TRPM2: variants seen among roughly 807,000 people sequenced by gnomAD.
TRPM2 encodes transient receptor potential cation channel subfamily M member 2.
Under a neutral mutation model 174.0 loss-of-function variants are expected in TRPM2, and 161 were observed. That is an observed-to-expected ratio of 0.93 (90% CI 0.81 to 1.05). The LOEUF (loss-of-function observed/expected upper bound fraction) is 1.05. Among genes scored for constraint, TRPM2 ranks in the 50% least tolerant of loss-of-function variants. The pLI is 0.00. For synonymous variants in TRPM2, 954 were observed against 861.3 expected (o/e 1.11, Z -1.88); for missense variants, 2,057 against 2,038.0 (o/e 1.01, Z -0.18).
intron 20 of TRPM2, among the ~76,000 whole-genome samples, chr21:44,416,909 AGT>A (rs1338167823): frequency 7.4e-6 from 1 of 136,054 alleles, no homozygotes; most frequent in African/African-American, 2.9e-5. Context: ...GTGGCATCAC[AGT>A]GTGCACGTGG....
intron 2 of TRPM2, among the ~76,000 whole-genome samples, chr21:44,360,929 C>T (rs1311523672): frequency 3.3e-5 from 5 of 151,982 alleles, no homozygotes; most frequent in Non-Finnish European, 7.4e-5. Flanking sequence ...CAGCACTGTC[C>T]ATCTCCACCG....
intron 19 of TRPM2, among the ~76,000 whole-genome samples, chr21:44,413,662 A>C (rs1226699395): frequency 6.6e-6 from 1 of 152,148 alleles, no homozygotes; most frequent in Non-Finnish European, 1.5e-5. Flanking sequence ...GGCACGGGCC[A>C]GCCTGGGTGC....
chr21:44,359,825 G>A lies in TRPM2; in HGVS notation c.255-4289G>A, dbSNP rs149402815. On this transcript the variant is annotated intron_variant, in intron 2 of 31. Transcript: ENST00000397928. ...TGCAATGGCCTGATCTTGGCTCACTGCAACCTCCACCTCCCGGGCTCAAGC... is the reference window on the plus strand; with the variant it reads ...TGCAATGGCCTGATCTTGGCTCACTACAACCTCCACCTCCCGGGCTCAAGC... Among the ~76,000 whole-genome samples, 614 of 151,728 alleles carry A rather than the reference G, an allele frequency of 4.0e-3. 5 individuals carry two copies. The highest frequency in any genetic ancestry group is 0.014 in the African/African-American group (595 of 41,316).
At chr21:44,392,114 G>T (rs570306994) in intron 11 of TRPM2, among the ~76,000 whole-genome samples, 71 of 151,750 alleles carry the variant, frequency 4.7e-4, no homozygotes, top group African/African-American at 1.7e-3. Flanking sequence ...ACAGGTATGC[G>T]CCACCACACC....
intron 5 of TRPM2, 82 bp from the exon 6 acceptor site, chr21:44,375,751 G>C: frequency 6.8e-7 from 1 of 1,471,684 alleles, no homozygotes. Context: ...CCTGGTCTCT[G>C]TGAGGGCCGG....
intron 14 of TRPM2, 71 bp from the exon 15 acceptor site, chr21:44,400,188 C>A (rs2146276364): frequency 7.4e-7 from 1 of 1,353,472 alleles, no homozygotes; most frequent in Non-Finnish European, 1.0e-6. Flanking sequence ...GAGTCCTCAG[C>A]AGACAGCTGA....
At chr21:44,403,804 AAC>A (rs200180248) in intron 16 of TRPM2, among the ~76,000 whole-genome samples, 5,867 of 150,896 alleles carry the variant, frequency 0.039, 312 homozygotes, top group African/African-American at 0.12. Flanking sequence ...TACACAGATA[AAC>A]ACATGTATAC....
Position 44,399,580 on chromosome 21 carries a change from C to G in TRPM2, c.2208+139C>G. 1 of 1,174,658 alleles carries G rather than the reference C, an allele frequency of 8.5e-7. No homozygotes were observed. Among genetic ancestry groups the G allele is most frequent in the Non-Finnish European group, 1.1e-6 (1 of 882,994 alleles). The allele number at this position is 1,174,658 out of a possible 1,614,324, so 72.8% of individuals were successfully genotyped here. On this transcript the variant is annotated intron_variant, in intron 14 of 31. Transcript: ENST00000397928. This position sits in a 1 kb window ranked among gnomAD's most constrained non-coding sequence, Gnocchi z 4.6. ...GCAGCTCGGGGACAGCGCCTGACCCCTCGGCCACCTGCTCCAGGCTCTGGC... is the reference window on the plus strand; with the variant it reads ...GCAGCTCGGGGACAGCGCCTGACCCGTCGGCCACCTGCTCCAGGCTCTGGC...
chr21:44,387,074 T>C (rs1198915575), intron 9 of TRPM2, among the ~76,000 whole-genome samples: 1 of 152,040 alleles, frequency 6.6e-6, no homozygotes, highest in African/African-American at 2.4e-5. Context: ...TAGTCCCAGC[T>C]GTGTGGGAGG....
Position 44,432,984 on chromosome 21 carries a change from C to T in TRPM2, c.3975-2147C>T, listed in dbSNP as rs2051081711. Among the ~76,000 whole-genome samples, 1 of 152,086 alleles carries T rather than the reference C, an allele frequency of 6.6e-6. No homozygotes were observed. The highest frequency in any genetic ancestry group is 1.5e-5 in the Non-Finnish European group (1 of 68,020). ...GAGAACCATATGGACGAGATCATGA[C>T]CGGGGGATCAGAGATCAGGGCACAG... On this transcript the variant is annotated intron_variant, in intron 27 of 31. Transcript: ENST00000397928. This position sits in a 1 kb window ranked among gnomAD's most constrained non-coding sequence, Gnocchi z 4.9.
chr21:44,358,851 C>G (rs778273953), intron 2 of TRPM2, among the ~76,000 whole-genome samples: 2 of 152,126 alleles, frequency 1.3e-5, no homozygotes, highest in Non-Finnish European at 2.9e-5. Context: ...GGGACCTTCG[C>G]GGTGAGTGTC....
In TRPM2 at chr21:44,438,468, C is replaced by T. The variant is rs1420020872; in HGVS notation, c.4168-599C>T. Reference sequence around the variant, plus strand: ...GAGTGTCATGGGGCTGAGGTGGGACCGTCTTGACGTGGCCTGCAAAGTCTT... The same window carrying T: ...GAGTGTCATGGGGCTGAGGTGGGACTGTCTTGACGTGGCCTGCAAAGTCTT... On this transcript the variant is annotated intron_variant, in intron 29 of 31. Transcript: ENST00000397928. The surrounding 1 kb of genome is among the most constrained non-coding windows in gnomAD (Gnocchi z 5.9). 2.6e-5 allele frequency among the ~76,000 whole-genome samples: 4 copies of T among 152,116 alleles called. No homozygotes were observed. The highest frequency in any genetic ancestry group is 1.3e-4 in the Admixed American group (2 of 15,274).
intron 7 of TRPM2, among the ~76,000 whole-genome samples, chr21:44,378,095 G>A (rs1240029213): frequency 1.2e-4 from 18 of 152,180 alleles, no homozygotes; most frequent in Admixed American, 1.2e-3. Context: ...GGAGGCTGGG[G>A]GGTTTCTACA....
At chr21:44,390,227 C>CT (rs1480982560) in intron 9 of TRPM2, among the ~76,000 whole-genome samples, 1 of 152,138 alleles carries the variant, frequency 6.6e-6, no homozygotes, top group African/African-American at 2.4e-5. Context: ...TAAGAGATCT[C>CT]TGCCCATCCC....
Position 44,441,889 on chromosome 21 carries a change from C to G in TRPM2, c.*72C>G, listed in dbSNP as rs560881842. ...GAAACCAGGGCTTCTCTCTCCTGAG[C>G]CTGGCCAGGACTCAGGCTGTTCCTG... On this transcript the variant is annotated 3_prime_UTR_variant, in exon 32 of 32. Transcript: ENST00000397928. 5.3e-5 allele frequency: 80 copies of G among 1,507,772 alleles called. No homozygotes were observed. The African/African-American group carries it at 9.8e-4, about 19-fold the overall frequency. 93.4% of individuals were successfully genotyped at this position (1,507,772 alleles called of 1,614,324 possible). A position where few individuals can be genotyped will look rare whatever the true frequency, so the allele number is the denominator to read the frequency against.
chr21:44,364,489 T>A (rs956576058), intron 3 of TRPM2, among the ~76,000 whole-genome samples: 5 of 152,086 alleles, frequency 3.3e-5, no homozygotes, highest in Admixed American at 1.3e-4. Context: ...TGCTTGGCCA[T>A]CTGCAAAGCA....
At chr21:44,414,925 C>G (rs2050227996) in intron 20 of TRPM2, 1 of 152,248 alleles carries the variant, frequency 6.6e-6, no homozygotes, top group African/African-American at 2.4e-5. Flanking sequence ...CAGCAGGTGG[C>G]TTCTTTTCCC....
intron 29 of TRPM2, among the ~76,000 whole-genome samples, chr21:44,437,510 G>A (rs2051323515): frequency 1.3e-5 from 2 of 152,116 alleles, no homozygotes; most frequent in African/African-American, 4.8e-5. Context: ...CTTCTCCCGT[G>A]TCTCAGACAC....
At chr21:44,388,944 G>T (rs980424462) in intron 9 of TRPM2, among the ~76,000 whole-genome samples, 1 of 152,270 alleles carries the variant, frequency 6.6e-6, no homozygotes, top group Admixed American at 6.5e-5. Flanking sequence ...ACTTTATGAA[G>T]GTTCAGCTTA....
Sources: allele counts gnomAD v4.1 joint callset (sites outside exome capture counted in the v4.1 genomes callset), GRCh38; gene constraint gnomAD v4.1.1; non-coding constraint Gnocchi (gnomAD v3.1); transcripts MANE v1.5; gene names NCBI Gene and HGNC (gene_info 2026-07-23, HGNC 2026-07-21).